The following TNRC6A variants were observed in gnomAD, a reference collection of about 807,000 sequenced individuals.
TNRC6A encodes the protein trinucleotide repeat containing adaptor 6A.
A neutral mutation model predicts 221.2 loss-of-function variants in TNRC6A; 44 were observed. The ratio of observed to expected loss-of-function variants is 0.20; its 90% CI spans 0.16 to 0.26. TNRC6A has a LOEUF of 0.26. TNRC6A is among the 10% of genes least tolerant of loss of function. The pLI is 1.00. For missense variants in TNRC6A, 2,199 were observed against 2,404.4 expected, an observed-to-expected ratio of 0.91 and a Z score of 1.79; for synonymous variants, 847 against 838.5, an observed-to-expected ratio of 1.01 and a Z score of -0.18.
rs369775152 is a variant in TNRC6A at position 24,823,816 on chromosome 16, A to G, written c.*9A>G. ...GTGGAGAGTCCATGTAACAGTGTAGATGCAGACTCACCGACCGGGACCTCA... is the reference window on the plus strand; with the variant it reads ...GTGGAGAGTCCATGTAACAGTGTAGGTGCAGACTCACCGACCGGGACCTCA... On this transcript the variant is annotated 3_prime_UTR_variant, in exon 25 of 25. Transcript: ENST00000395799. This position sits in a 1 kb window ranked among gnomAD's most constrained non-coding sequence, Gnocchi z 4.3. 7.2e-7 allele frequency: 1 copy of G among 1,396,464 alleles called. No individual in the cohort carries two copies. The allele number at this position is 1,396,464 out of a possible 1,614,324, so 86.5% of individuals were successfully genotyped here. A position where few individuals can be genotyped will look rare whatever the true frequency, so the allele number is the denominator to read the frequency against.
intron 2 of TNRC6A, among the ~76,000 whole-genome samples, chr16:24,732,189 T>A (rs73548950): frequency 0.068 from 10,278 of 152,236 alleles, 857 homozygotes; most frequent in East Asian, 0.36. Context: ...AAAAGTGTTC[T>A]GAGGAAGGAG....
chr16:24,820,130 T>G lies in TNRC6A; in HGVS notation c.5081-9T>G. On this transcript the variant is annotated splice_polypyrimidine_tract_variant and intron_variant, in intron 21 of 24. Transcript: ENST00000395799. ...TCCTCCCCTCTCCATTTTTTCCCCC[T>G]TTGAGTAGCCAGAAATAGTGATTCC... 6.2e-7 allele frequency: 1 copy of G among 1,613,418 alleles called. No homozygotes were observed. Among genetic ancestry groups the G allele is most frequent in the Non-Finnish European group, 8.5e-7 (1 of 1,179,338 alleles).
intron 5 of TNRC6A, among the ~76,000 whole-genome samples, chr16:24,785,645 A>T (rs572632878): frequency 6.6e-6 from 1 of 152,264 alleles, no homozygotes; most frequent in South Asian, 2.1e-4. Flanking sequence ...AGTAGTATTG[A>T]TGACAAGTAT....
chr16:24,670,952 C>T (rs1277227325), intron 2 of TNRC6A: 2 of 403,492 alleles, frequency 5.0e-6, no homozygotes, highest in Non-Finnish European at 5.1e-6. Context: ...GGTACCAGCA[C>T]CCCCAGGCCA....
At chr16:24,670,863 G>T in intron 2 of TNRC6A, 1 of 249,912 alleles carries the variant, frequency 4.0e-6, no homozygotes, top group Non-Finnish European at 8.7e-6. Flanking sequence ...CAACCTGTCA[G>T]TCCCTCTCAC....
intron 19 of TNRC6A, chr16:24,816,584 G>A (rs963913204): frequency 2.0e-6 from 1 of 495,462 alleles, no homozygotes; most frequent in African/African-American, 1.9e-5. Context: ...GTGTGGGTAT[G>A]TATATTCACA....
upstream of TNRC6A, among the ~76,000 whole-genome samples, chr16:24,729,228 T>C (rs1441495254): frequency 6.6e-6 from 1 of 151,500 alleles, no homozygotes; most frequent in African/African-American, 2.4e-5. Flanking sequence ...TCAAAAATAA[T>C]TAGAAGTGGC....
At chr16:24,672,467 G>A (rs2055325718) in intron 2 of TNRC6A, among the ~76,000 whole-genome samples, 1 of 138,432 alleles carries the variant, frequency 7.2e-6, no homozygotes, top group African/African-American at 2.7e-5. Context: ...TTTGAGACAG[G>A]GTCTCACGAA....
At chr16:24,764,656 T>G (rs1265624144) in intron 4 of TNRC6A, among the ~76,000 whole-genome samples, 1 of 152,130 alleles carries the variant, frequency 6.6e-6, no homozygotes, top group Non-Finnish European at 1.5e-5. Flanking sequence ...CCATAGGTTG[T>G]TTGTTTCCAT....
intron 2 of TNRC6A, among the ~76,000 whole-genome samples, chr16:24,735,232 T>C (rs1231887911): frequency 2.0e-5 from 3 of 152,112 alleles, no homozygotes; most frequent in Non-Finnish European, 4.4e-5. Flanking sequence ...TGAGCCGAGA[T>C]TGTGCCACTG....
chr16:24,778,207 C>T (rs2057766857), intron 5 of TNRC6A: 1 of 779,668 alleles, frequency 1.3e-6, no homozygotes, highest in Non-Finnish European at 1.6e-6. Flanking sequence ...TGACCTTGGG[C>T]AGGTTACTTA....
Position 24,806,305 on chromosome 16 carries a change from G to T in TNRC6A, c.4329+22G>T, listed in dbSNP as rs371027875. The T allele has an allele frequency of 1.6e-5, 26 of 1,612,802 alleles. No individual in the cohort carries two copies. In the East Asian group the frequency reaches 3.3e-4, roughly 21 times the overall value. ...GCAGGTAGAGCCCGCCCTGCAACTC[G>T]CAATGCTGTCTTTGTGTTAATAAAC... On this transcript the variant is annotated intron_variant, in intron 16 of 24. Coordinates refer to ENST00000395799, the MANE Select transcript of TNRC6A (RefSeq NM_014494.4).
intron 5 of TNRC6A, among the ~76,000 whole-genome samples, chr16:24,778,096 C>A (rs893591568): frequency 2.0e-5 from 3 of 152,168 alleles, no homozygotes; most frequent in African/African-American, 7.2e-5. Flanking sequence ...CATACAAGAA[C>A]ACACTTCTAG....
chr16:24,728,479 A>AT (rs1186730450), upstream of TNRC6A, among the ~76,000 whole-genome samples: 2 of 151,952 alleles, frequency 1.3e-5, no homozygotes, highest in Non-Finnish European at 2.9e-5. Flanking sequence ...AAAATAAAAA[A>AT]AAAAGCCAGT....
At chr16:24,731,848 C>A (rs968144326) in intron 2 of TNRC6A, among the ~76,000 whole-genome samples, 1 of 152,226 alleles carries the variant, frequency 6.6e-6, no homozygotes. Flanking sequence ...TGACTCTTGG[C>A]AAGTCACTTA....
chr16:24,809,922 C>T (rs779163437), intron 18 of TNRC6A, among the ~76,000 whole-genome samples: 2 of 152,218 alleles, frequency 1.3e-5, no homozygotes, highest in African/African-American at 4.8e-5. Context: ...AAGCAGTTCT[C>T]CTACCTCAGC....
In TNRC6A at chr16:24,773,862, C is replaced by G. The variant is rs780621629; in HGVS notation, c.164-3071C>G. On this transcript the variant is annotated intron_variant, in intron 4 of 24. Transcript: ENST00000395799. ...TCTTGGTTGTATATCTTCCTCTCTA[C>G]TTTTTTTTTTAACCTTGCTGCATTG... Among the ~76,000 whole-genome samples the G allele has an allele frequency of 1.1e-4, 16 of 147,528 alleles. No individual in the cohort carries two copies. The East Asian group carries it at 1.6e-3, about 15-fold the overall frequency.
At chr16:24,623,190 T>TTTATTTATTTATTTAC (rs367608685) in intron 1 of TNRC6A, among the ~76,000 whole-genome samples, 2 of 147,896 alleles carry the variant, frequency 1.4e-5, no homozygotes, top group African/African-American at 2.5e-5. Flanking sequence ...TATTTATTTA[T>TTTATTTATTTATTTAC]TTACTTATTT....
intron 2 of TNRC6A, among the ~76,000 whole-genome samples, chr16:24,670,109 C>G (rs2055264338): frequency 6.6e-6 from 1 of 151,302 alleles, no homozygotes; most frequent in African/African-American, 2.4e-5. Flanking sequence ...GCCACCATGC[C>G]CAGCTAATTT....
Sources: allele counts gnomAD v4.1 joint callset (sites outside exome capture counted in the v4.1 genomes callset), GRCh38; gene constraint gnomAD v4.1.1; non-coding constraint Gnocchi (gnomAD v3.1); transcripts MANE v1.5; gene names NCBI Gene and HGNC (gene_info 2026-07-23, HGNC 2026-07-21).